Variants in BIRC6 observed in about 807,000 individuals in gnomAD.
BIRC6 encodes the protein dual E2 ubiquitin-conjugating enzyme/E3 ubiquitin-protein ligase BIRC6.
BIRC6 carries 98 observed loss-of-function variants against 503.3 expected under a neutral mutation model. The ratio of observed to expected loss-of-function variants is 0.19; its 90% CI spans 0.17 to 0.23. BIRC6 has a LOEUF of 0.23. Ranked by LOEUF, BIRC6 falls within the 10% of genes least tolerant of loss-of-function variation. The probability of loss-of-function intolerance (pLI) is 1.00; values close to 1 mark genes in which losing one functional copy is unlikely to be tolerated. For synonymous variants in BIRC6, 2,240 were observed against 2,078.7 expected (o/e 1.08, Z -2.11); for missense variants, 5,360 against 5,806.0 (o/e 0.92, Z 2.50).
At position 32,491,316 on chromosome 2, in the gene BIRC6, T is replaced by C; in HGVS notation, c.8207-109T>C. 8.2e-6 allele frequency: 9 copies of C among 1,103,828 alleles called. No homozygotes were observed. The South Asian group carries it at 1.4e-4, about 18-fold the overall frequency. 68.4% of individuals were successfully genotyped at this position (1,103,828 alleles called of 1,614,324 possible). On this transcript the variant is annotated intron_variant, in intron 43 of 73. Transcript: ENST00000421745. ...CTGAAACCCCTTTAATAAACTGTAA[T>C]TACTAGGAATGTATGAATTTTCCTT...
At chr2:32,505,443 T>G (rs2053684613) in intron 50 of BIRC6, 1 of 432,036 alleles carries the variant, frequency 2.3e-6, no homozygotes, top group African/African-American at 2.0e-5. Flanking sequence ...AGTTATATAT[T>G]ATTTCGCTTT....
At chr2:32,432,069 T>C (rs1258699819) in intron 12 of BIRC6, among the ~76,000 whole-genome samples, 2 of 152,060 alleles carry the variant, frequency 1.3e-5, no homozygotes, top group Non-Finnish European at 2.9e-5. Context: ...ATATGACCAT[T>C]GTTGTTGGAG....
At position 32,487,540 on chromosome 2, in the gene BIRC6, C is replaced by T. The variant is rs2051141571; in HGVS notation, c.7814-107C>T. 3 of 947,922 alleles carry T rather than the reference C, an allele frequency of 3.2e-6. No homozygotes were observed. In the East Asian group the frequency reaches 7.7e-5, roughly 24 times the overall value. 58.7% of individuals were successfully genotyped at this position (947,922 alleles called of 1,614,324 possible). ...TTGTTTTGAACCATTCTAAAGAATG[C>T]AGTTTTAATTTTTAAAAACAATTTA... On this transcript the variant is annotated intron_variant, in intron 40 of 73. Coordinates refer to ENST00000421745, the MANE Select transcript of BIRC6 (RefSeq NM_016252.4).
chr2:32,461,702 AAT>A (rs1185349329), intron 23 of BIRC6, among the ~76,000 whole-genome samples: 1 of 152,042 alleles, frequency 6.6e-6, no homozygotes, highest in Admixed American at 6.6e-5. Context: ...ATTCTGGCAC[AAT>A]ATAGCCCTTG....
At position 32,481,294 on chromosome 2, in the gene BIRC6, A is replaced by G. The variant is rs755677752; in HGVS notation, c.7409-26A>G. On this transcript the variant is annotated intron_variant, in intron 37 of 73. Transcript: ENST00000421745. The stretch of plus-strand genomic sequence containing the variant: ...AAATTTTATGTGATACACTCCACCA[A>G]TAAGATCACTTTTAATTATTTGAAG... The G allele has an allele frequency of 1.6e-5, 24 of 1,532,288 alleles. No homozygotes were observed. In the African/African-American group the frequency reaches 2.0e-4, roughly 12 times the overall value. The allele number at this position is 1,532,288 out of a possible 1,614,324, so 94.9% of individuals were successfully genotyped here.
intron 3 of BIRC6, among the ~76,000 whole-genome samples, chr2:32,385,278 A>T (rs574774404): frequency 1.3e-5 from 2 of 152,222 alleles, no homozygotes; most frequent in African/African-American, 4.8e-5. Flanking sequence ...TTGATGTAGA[A>T]CAAGGAGGAG....
At chr2:32,489,910 TGTTTTGAAGACACTG>T (rs1319159989) in intron 42 of BIRC6, 116 bp from the exon 43 acceptor site, 15 of 621,648 alleles carry the variant, frequency 2.4e-5, no homozygotes, top group African/African-American at 3.7e-5. Context: ...TTTATTTGCA[TGTTTTGAAGACACTG>T]GTTAAGGAGC....
intron 65 of BIRC6, among the ~76,000 whole-genome samples, chr2:32,569,797 T>C (rs1186686865): frequency 2.6e-5 from 4 of 152,198 alleles, no homozygotes; most frequent in Non-Finnish European, 5.9e-5. Flanking sequence ...CCTGAATCTT[T>C]ATTGAATTCA....
At chr2:32,474,933 G>C (rs1295589129) in intron 33 of BIRC6, among the ~76,000 whole-genome samples, 1 of 151,338 alleles carries the variant, frequency 6.6e-6, no homozygotes, top group African/African-American at 2.4e-5. Flanking sequence ...TTTTTTTCCT[G>C]ATACCAAAAA....
At chr2:32,463,697 A>G (rs1362699255) in intron 24 of BIRC6, among the ~76,000 whole-genome samples, 1 of 152,228 alleles carries the variant, frequency 6.6e-6, no homozygotes, top group Non-Finnish European at 1.5e-5. Flanking sequence ...TATAGTTCCT[A>G]AAACAAAATT....
Position 32,430,895 on chromosome 2 carries a change from C to T in BIRC6, c.3053C>T (p.Thr1018Ile), listed in dbSNP as rs2044029786. 1.3e-6 allele frequency: 2 copies of T among 1,593,776 alleles called. No individual in the cohort carries two copies. The highest frequency in any genetic ancestry group is 1.7e-6 in the Non-Finnish European group (2 of 1,168,412). The change falls in exon 12 of 74, where the codon ACC (threonine) becomes ATC (isoleucine). Residue 1018 changes from threonine to isoleucine, a missense_variant. Thr to Ile is a moderately conservative substitution (Grantham distance 89, BLOSUM62 -1). Around this residue, in one of 16 missense-constraint regions of BIRC6, gnomAD observed 700 missense variants for 739.3 expected, o/e 0.95. Coordinates refer to ENST00000421745, the MANE Select transcript of BIRC6 (RefSeq NM_016252.4). Reference sequence around the variant, plus strand: ...GATTTATTGGTGGACCAGCCATTCACCCTTGAAATCTTGACATCCCTAGTG... The same window carrying T: ...GATTTATTGGTGGACCAGCCATTCATCCTTGAAATCTTGACATCCCTAGTG... ...GVDLLVDQPF[T>I]LEILTSLVEL...
chr2:32,524,815 C>T (rs1171737384), intron 57 of BIRC6, 73 bp from the exon 58 acceptor site: 7 of 1,056,510 alleles, frequency 6.6e-6, no homozygotes, highest in South Asian at 4.9e-5. Flanking sequence ...CATAATCTCC[C>T]TCTGAAACAT....
chr2:32,480,621 C>CTT lies in BIRC6; in HGVS notation c.7409-663_7409-662dup, dbSNP rs560251664. Among the ~76,000 whole-genome samples the CTT allele has an allele frequency of 1.6e-3, 99 of 60,732 alleles. 16 individuals are homozygous for CTT. Among genetic ancestry groups the CTT allele is most frequent in the Non-Finnish European group, 2.2e-3 (74 of 34,000 alleles). The allele number at this position is 60,732 out of a possible 152,430, so 39.8% of individuals were successfully genotyped here. A position where few individuals can be genotyped will look rare whatever the true frequency, so the allele number is the denominator to read the frequency against. On this transcript the variant is annotated intron_variant, in intron 37 of 73. Coordinates refer to ENST00000421745, the MANE Select transcript of BIRC6 (RefSeq NM_016252.4). ...CATAACAGAAAAATAAGGTAAATGG[C>CTT]TTTTTTTTTTTTTTTTTTTTTTTTT... is the stretch of plus-strand genomic sequence containing the variant.
chr2:32,430,805 CTTT>C (rs370529825), intron 11 of BIRC6, 57 bp from the exon 12 acceptor site: 3,279 of 479,720 alleles, frequency 6.8e-3, no homozygotes, highest in Middle Eastern at 0.012. Flanking sequence ...TCATTGTCTT[CTTT>C]TTTTTTTTTT....
In BIRC6 at chr2:32,490,023, T is replaced by A; in HGVS notation, c.8096-18T>A. 6.6e-7 allele frequency: 1 copy of A among 1,518,356 alleles called. No individual in the cohort carries two copies. The highest frequency in any genetic ancestry group is 9.1e-7 in the Non-Finnish European group (1 of 1,099,620). The allele number at this position is 1,518,356 out of a possible 1,614,324, so 94.1% of individuals were successfully genotyped here. On this transcript the variant is annotated intron_variant, in intron 42 of 73. Coordinates refer to ENST00000421745, the MANE Select transcript of BIRC6 (RefSeq NM_016252.4). Reference sequence around the variant, plus strand: ...TTGTTTTTCTGAAAAATATTTTCCCTTTCTCTTTTCTGCATAGCATCAATA... The same window carrying A: ...TTGTTTTTCTGAAAAATATTTTCCCATTCTCTTTTCTGCATAGCATCAATA...
intron 65 of BIRC6, chr2:32,566,138 A>G (rs564794055): frequency 9.9e-5 from 15 of 152,254 alleles, no homozygotes; most frequent in African/African-American, 3.6e-4. Flanking sequence ...TTACTGTCCT[A>G]TCCCCACCCC....
intron 60 of BIRC6, 140 bp from the exon 61 acceptor site, chr2:32,531,215 A>G (rs2056723562): frequency 8.9e-6 from 6 of 674,616 alleles, no homozygotes; most frequent in Non-Finnish European, 1.2e-5. Flanking sequence ...TAGCCATAAT[A>G]CAGCTATATC....
In BIRC6 at chr2:32,357,638, A is replaced by T. The variant is rs1263854757; in HGVS notation, c.325+152A>T. 6.6e-6 allele frequency among the ~76,000 whole-genome samples: 1 copy of T among 151,866 alleles called. No homozygotes were observed. The highest frequency in any genetic ancestry group is 2.4e-5 in the African/African-American group (1 of 41,320). On this transcript the variant is annotated intron_variant, in intron 1 of 73. Transcript: ENST00000421745. The surrounding 1 kb of genome is among the most constrained non-coding windows in gnomAD (Gnocchi z 4.9). Reference sequence around the variant, plus strand: ...TGAAGGGAGGCCCGGAAGCTGATGGAGGGGGACCTTAGGACTTGGCTTTTT... The same window carrying T: ...TGAAGGGAGGCCCGGAAGCTGATGGTGGGGGACCTTAGGACTTGGCTTTTT...
intron 21 of BIRC6, among the ~76,000 whole-genome samples, chr2:32,447,375 C>T (rs1362121450): frequency 4.0e-5 from 6 of 148,282 alleles, no homozygotes; most frequent in East Asian, 2.0e-4. Flanking sequence ...GCTGGCCGGG[C>T]GGGGGGCTGA....
Sources: gnomAD v4.1 joint callset for allele counts (sites outside exome capture counted in the v4.1 genomes callset) on GRCh38, gnomAD v4.1.1 for gene constraint, gnomAD v4.1.1 regional missense constraint, Gnocchi (gnomAD v3.1) non-coding constraint, MANE v1.5 for transcripts, NCBI Gene and HGNC (gene_info 2026-07-23, HGNC 2026-07-21) for gene names.